C12orf42: variants seen among roughly 807,000 people sequenced by gnomAD.
C12orf42 encodes the protein uncharacterized protein C12orf42.
C12orf42 carries 25 observed loss-of-function variants against 21.6 expected under a neutral mutation model. That is an observed-to-expected ratio of 1.16 (90% CI 0.84 to 1.62). C12orf42 has a LOEUF of 1.62. Among genes scored for constraint, C12orf42 ranks in the 40% most tolerant of loss-of-function variants. The pLI is 0.00. For synonymous variants in C12orf42, 174 were observed against 175.0 expected (o/e 0.99, Z 0.05); for missense variants, 483 against 459.3 (o/e 1.05, Z -0.47).
intron 4 of C12orf42, among the ~76,000 whole-genome samples, chr12:103,285,210 TAAA>T (rs1434344858): frequency 6.6e-6 from 1 of 152,218 alleles, no homozygotes; most frequent in African/African-American, 2.4e-5. Flanking sequence ...CACAGGCAAT[TAAA>T]GAAGAATCCC....
intron 10 of C12orf42, among the ~76,000 whole-genome samples, chr12:103,246,624 T>C (rs867932006): frequency 1.3e-5 from 2 of 152,182 alleles, no homozygotes; most frequent in Middle Eastern, 3.4e-3. Flanking sequence ...ATAAAAGTAG[T>C]TCAACCGTGC....
chr12:103,187,240 T>A, the C12orf42 span, among the ~76,000 whole-genome samples: 3 of 152,318 alleles, frequency 2.0e-5, no homozygotes, highest in African/African-American at 7.2e-5. Flanking sequence ...ATCTTACAGA[T>A]CAGTTTTACA....
chr12:103,261,118 T>A (rs940472378), intron 10 of C12orf42, among the ~76,000 whole-genome samples: 4 of 152,118 alleles, frequency 2.6e-5, no homozygotes, highest in Non-Finnish European at 5.9e-5. Context: ...TTTATGAGAT[T>A]AAACACCCTA....
chr12:103,188,801 C>T, the C12orf42 span, among the ~76,000 whole-genome samples: 1 of 152,196 alleles, frequency 6.6e-6, no homozygotes, highest in Non-Finnish European at 1.5e-5. Flanking sequence ...GTGTCAGCAC[C>T]ACGATTCCTG....
intron 4 of C12orf42, among the ~76,000 whole-genome samples, chr12:103,363,938 A>C (rs886384548): frequency 3.9e-5 from 6 of 152,132 alleles, no homozygotes; most frequent in Non-Finnish European, 7.4e-5. Context: ...ACAGGCCATC[A>C]TGGCAGAAAG....
At position 103,251,987 on chromosome 12, in the gene C12orf42, T is replaced by C. The variant is rs562900386; in HGVS notation, c.*1366+11339A>G. The stretch of plus-strand genomic sequence containing the variant: ...TTTTATTTTACTTTAAGTTCTGGGA[T>C]ACATGTGCTGAATATGCAGGTTTGT... On this transcript the variant is annotated intron_variant and NMD_transcript_variant, in intron 10 of 10. Transcript: ENST00000547347. 5.3e-5 allele frequency among the ~76,000 whole-genome samples: 8 copies of C among 152,342 alleles called. No individual in the cohort carries two copies. In the East Asian group the frequency reaches 1.2e-3, roughly 22 times the overall value.
the C12orf42 span, among the ~76,000 whole-genome samples, chr12:103,209,221 TTAAA>T: frequency 1.3e-5 from 2 of 152,194 alleles, no homozygotes; most frequent in Admixed American, 1.3e-4. Context: ...ATGATGTAAC[TTAAA>T]TAATGTGTAA....
At chr12:103,561,977 G>A in the C12orf42 span, among the ~76,000 whole-genome samples, 4 of 152,324 alleles carry the variant, frequency 2.6e-5, no homozygotes, top group South Asian at 2.1e-4. Context: ...ACCTTACAGT[G>A]TGGTGGTCAG....
intron 4 of C12orf42, among the ~76,000 whole-genome samples, chr12:103,350,069 A>C (rs1420522646): frequency 6.6e-6 from 1 of 152,144 alleles, no homozygotes; most frequent in Non-Finnish European, 1.5e-5. Flanking sequence ...ATAATGACCA[A>C]ATTTAGGAAG....
At chr12:103,431,263 CTG>C (rs1189331323) in intron 2 of C12orf42, 11 of 152,120 alleles carry the variant, frequency 7.2e-5, no homozygotes, top group Admixed American at 5.2e-4. Context: ...GATTGGGAAA[CTG>C]TGTCTCAGAG....
intron 2 of C12orf42, among the ~76,000 whole-genome samples, chr12:103,430,176 A>G (rs1950161208): frequency 6.6e-6 from 1 of 152,228 alleles, no homozygotes; most frequent in South Asian, 2.1e-4. Flanking sequence ...TGAACAGGCA[A>G]CTTACAGAAT....
chr12:103,556,466 G>A, the C12orf42 span, among the ~76,000 whole-genome samples: 1 of 152,164 alleles, frequency 6.6e-6, no homozygotes, highest in Non-Finnish European at 1.5e-5. Context: ...TTGGCTTTGA[G>A]TGTTACTTTC....
intron 3 of C12orf42, among the ~76,000 whole-genome samples, chr12:103,370,930 T>G (rs2045165287): frequency 6.6e-6 from 1 of 152,124 alleles, no homozygotes; most frequent in Non-Finnish European, 1.5e-5. Context: ...TCATTAAACA[T>G]GTAATCAGAA....
chr12:103,164,608 A>G, the C12orf42 span: 1 of 421,236 alleles, frequency 2.4e-6, no homozygotes, highest in African/African-American at 2.0e-5. Flanking sequence ...TAGTATATCA[A>G]TATTTTCCAT....
At chr12:103,243,581 A>T (rs2033859484) in intron 10 of C12orf42, among the ~76,000 whole-genome samples, 1 of 152,100 alleles carries the variant, frequency 6.6e-6, no homozygotes, top group African/African-American at 2.4e-5. Flanking sequence ...TGAAAGGCAT[A>T]TTAATATTAT....
At chr12:103,136,280 G>T in the C12orf42 span, among the ~76,000 whole-genome samples, 2 of 152,058 alleles carry the variant, frequency 1.3e-5, no homozygotes, top group Admixed American at 1.3e-4. Flanking sequence ...AATAAAGAAA[G>T]CTATATAAAA....
At chr12:103,132,872 A>G in the C12orf42 span, among the ~76,000 whole-genome samples, 4 of 152,174 alleles carry the variant, frequency 2.6e-5, no homozygotes, top group African/African-American at 4.8e-5. Context: ...GTTGCCACTG[A>G]AAGGAGCCCC....
chr12:103,072,552 A>C, the C12orf42 span, among the ~76,000 whole-genome samples: 1 of 152,138 alleles, frequency 6.6e-6, no homozygotes, highest in Non-Finnish European at 1.5e-5. Context: ...CAATAGCAGT[A>C]CACTTGGAGC....
intron 2 of C12orf42, among the ~76,000 whole-genome samples, chr12:103,404,850 T>C (rs1008405736): frequency 6.6e-6 from 1 of 152,242 alleles, no homozygotes; most frequent in South Asian, 2.1e-4. Flanking sequence ...AAACAGGTGG[T>C]ATGTGCTAGA....
Sources: gnomAD v4.1 joint callset for allele counts (sites outside exome capture counted in the v4.1 genomes callset) on GRCh38, gnomAD v4.1.1 for gene constraint, MANE v1.5 for transcripts, NCBI Gene and HGNC (gene_info 2026-07-23, HGNC 2026-07-21) for gene names.